DLC1: variants seen among roughly 807,000 people sequenced by gnomAD.
DLC1 encodes DLC1 Rho GTPase activating protein, also known as rho GTPase-activating protein 7.
Under a neutral mutation model 140.3 loss-of-function variants are expected in DLC1, and 54 were observed. The observed-to-expected ratio is 0.38, with a 90% confidence interval of 0.31 to 0.48. The LOEUF is 0.48. DLC1 is among the 20% of genes least tolerant of loss of function. The pLI is 0.96. For missense variants in DLC1, 2,536 were observed against 1,907.0 expected (o/e 1.33, Z -6.14); for synonymous variants, 986 against 728.1 (o/e 1.35, Z -5.70).
chr8:13,291,684 T>C (rs916533936), intron 5 of DLC1, among the ~76,000 whole-genome samples: 2 of 152,156 alleles, frequency 1.3e-5, no homozygotes, highest in African/African-American at 4.8e-5. Flanking sequence ...CAGTAATAAA[T>C]ATAAATAAGG....
intron 5 of DLC1, among the ~76,000 whole-genome samples, chr8:13,231,218 T>G (rs960132078): frequency 4.0e-5 from 6 of 150,454 alleles, no homozygotes; most frequent in Non-Finnish European, 8.9e-5. Context: ...GACAGGAAGA[T>G]GAAAAAAAAA....
chr8:13,105,694 C>T (rs927400498), intron 7 of DLC1, among the ~76,000 whole-genome samples: 1 of 151,680 alleles, frequency 6.6e-6, no homozygotes, highest in Non-Finnish European at 1.5e-5. Flanking sequence ...TCTCATGCCT[C>T]AGCCTCCTGA....
intron 5 of DLC1, among the ~76,000 whole-genome samples, chr8:13,247,633 T>C (rs1402785929): frequency 1.3e-5 from 2 of 152,204 alleles, no homozygotes; most frequent in East Asian, 1.9e-4. Flanking sequence ...CCAAGATCCA[T>C]GCTCTCAATT....
chr8:13,463,456 C>T (rs904824452), intron 2 of DLC1, among the ~76,000 whole-genome samples: 1 of 152,184 alleles, frequency 6.6e-6, no homozygotes, highest in Non-Finnish European at 1.5e-5. Flanking sequence ...AAGTCTGATA[C>T]ATATTCAGAC....
At chr8:13,110,885 C>T (rs2128946991) in intron 6 of DLC1, 62 bp from the exon 7 acceptor site, 1 of 1,468,282 alleles carries the variant, frequency 6.8e-7, no homozygotes, top group Middle Eastern at 1.7e-4. Context: ...CCAAATAGCC[C>T]AGTTTACCAA....
At chr8:13,453,489 T>C (rs1198204009) in intron 2 of DLC1, among the ~76,000 whole-genome samples, 3 of 38,254 alleles carry the variant, frequency 7.8e-5, no homozygotes, top group Non-Finnish European at 1.4e-4. Context: ...TGTATATATA[T>C]ACATATATAT....
intron 4 of DLC1, among the ~76,000 whole-genome samples, chr8:13,343,418 C>A (rs1834167696): frequency 6.6e-6 from 1 of 152,104 alleles, no homozygotes; most frequent in South Asian, 2.1e-4. Flanking sequence ...TGGAAAAAAG[C>A]TTTAAAATTA....
chr8:13,247,331 G>C (rs1435422629), intron 5 of DLC1, among the ~76,000 whole-genome samples: 1 of 152,164 alleles, frequency 6.6e-6, no homozygotes, highest in Non-Finnish European at 1.5e-5. Flanking sequence ...CCAACACTTT[G>C]CAAAGCAGTA....
intron 2 of DLC1, among the ~76,000 whole-genome samples, chr8:13,450,894 C>G (rs529121638): frequency 6.6e-6 from 1 of 151,538 alleles, no homozygotes; most frequent in Non-Finnish European, 1.5e-5. Context: ...CAAAAATTAG[C>G]TGGGCATGGT....
At chr8:13,500,456 G>T (rs1585211398) in intron 1 of DLC1, among the ~76,000 whole-genome samples, 1 of 152,116 alleles carries the variant, frequency 6.6e-6, no homozygotes, top group East Asian at 1.9e-4. Context: ...AATGAATAAA[G>T]ATACAAATAC....
chr8:13,392,691 C>A (rs779223123), intron 4 of DLC1, among the ~76,000 whole-genome samples: 14 of 152,114 alleles, frequency 9.2e-5, no homozygotes, highest in Non-Finnish European at 1.8e-4. Context: ...ATAAGTGTTA[C>A]CTTTTAGAGT....
rs537504737 is a variant in DLC1 at position 13,507,080 on chromosome 8, C to T, written c.-125-6884G>A. On this transcript the variant is annotated intron_variant, in intron 1 of 17. Coordinates refer to ENST00000276297, the MANE Select transcript of DLC1 (RefSeq NM_182643.3). ...AGGAGCACAACTTAATATAGTTCTT[C>T]AACTCATGTCAAAGTAAATCTTCAT... 3.0e-4 allele frequency among the ~76,000 whole-genome samples: 45 copies of T among 152,252 alleles called. 1 individual carries two copies. The highest frequency in any genetic ancestry group is 1.1e-3 in the African/African-American group (45 of 41,546).
intron 4 of DLC1, among the ~76,000 whole-genome samples, chr8:13,345,533 AT>A (rs1285925890): frequency 3.4e-5 from 4 of 117,154 alleles, no homozygotes; most frequent in African/African-American, 1.3e-4. Flanking sequence ...ATTATCTGAA[AT>A]TTTTCACTCA....
At chr8:13,359,071 T>C (rs190184277) in intron 4 of DLC1, among the ~76,000 whole-genome samples, 1 of 152,252 alleles carries the variant, frequency 6.6e-6, no homozygotes, top group African/African-American at 2.4e-5. Context: ...CCCAGGTAGC[T>C]GAGACTACAG....
intron 5 of DLC1, among the ~76,000 whole-genome samples, chr8:13,284,394 G>A (rs1831470769): frequency 6.6e-6 from 1 of 152,102 alleles, no homozygotes; most frequent in South Asian, 2.1e-4. Flanking sequence ...GGGCGTGGTG[G>A]CGGGCGCCTG....
intron 5 of DLC1, among the ~76,000 whole-genome samples, chr8:13,195,703 A>C (rs1351587375): frequency 6.6e-6 from 1 of 152,224 alleles, no homozygotes; most frequent in East Asian, 1.9e-4. Context: ...ATTATTTTCT[A>C]ACATAGCTCC....
chr8:13,361,535 G>A (rs1835226610), intron 4 of DLC1, among the ~76,000 whole-genome samples: 1 of 151,974 alleles, frequency 6.6e-6, no homozygotes, highest in South Asian at 2.1e-4. Context: ...CAAGTAGCTG[G>A]GATTACAGGG....
chr8:13,276,473 C>T, intron 5 of DLC1: 1 of 1,342,238 alleles, frequency 7.5e-7, no homozygotes, highest in Non-Finnish European at 9.5e-7. Context: ...CGCTGTGCTC[C>T]CGGCCGCAGG....
chr8:13,230,781 G>C (rs965289748), intron 5 of DLC1, among the ~76,000 whole-genome samples: 1 of 151,872 alleles, frequency 6.6e-6, no homozygotes, highest in Non-Finnish European at 1.5e-5. Context: ...ATTTTTAGTA[G>C]AGATGGGGTT....
Sources: gnomAD v4.1 joint callset for allele counts (sites outside exome capture counted in the v4.1 genomes callset) on GRCh38, gnomAD v4.1.1 for gene constraint, MANE v1.5 for transcripts, NCBI Gene and HGNC (gene_info 2026-07-23, HGNC 2026-07-21) for gene names.